Variants in SPDEF observed in about 807,000 individuals in gnomAD.
SPDEF encodes the protein SAM pointed domain-containing Ets transcription factor.
SPDEF carries 12 observed loss-of-function variants against 36.0 expected under a neutral mutation model. The observed-to-expected ratio is 0.33, with a 90% CI of 0.21 to 0.54. The LOEUF (loss-of-function observed/expected upper bound fraction) is 0.54, where lower values mean the gene tolerates loss of function less well. Among genes scored for constraint, SPDEF ranks in the 20% least tolerant of loss-of-function variants. SPDEF has a pLI of 0.93. For missense variants in SPDEF, 388 were observed against 456.9 expected, an observed-to-expected ratio of 0.85 and a Z score of 1.37; for synonymous variants, 205 against 193.0, an observed-to-expected ratio of 1.06 and a Z score of -0.51.
chr6:34,553,943 G>A (rs909371906), intron 1 of SPDEF, among the ~76,000 whole-genome samples: 6 of 88,782 alleles, frequency 6.8e-5, no homozygotes, highest in Non-Finnish European at 1.3e-4. Flanking sequence ...ACCCCCCAAC[G>A]CCCAGGAGAC....
In SPDEF at chr6:34,544,372, C is replaced by T; in HGVS notation, c.84G>A (p.Leu28=). Residue 28 remains leucine (L), a synonymous_variant, in exon 2 of 6, where the codon TTG becomes TTA. Coordinates refer to ENST00000374037, the MANE Select transcript of SPDEF (RefSeq NM_012391.3). This position sits in a 1 kb window ranked among gnomAD's most constrained non-coding sequence, Gnocchi z 4.4. ...LPPDTVSRTG[L]EKAAAGAVGL... ...CCACTGCCCCCGCTGCCGCCTTCTC[C>T]AAGCCTGTCCGCGACACCGTGTCGG... is the stretch of plus-strand genomic sequence containing the variant. 6.3e-7 allele frequency: 1 copy of T among 1,599,312 alleles called. No individual in the cohort carries two copies. The highest frequency in any genetic ancestry group is 8.5e-7 in the Non-Finnish European group (1 of 1,173,744).
At chr6:34,554,113 T>C (rs1768119610) in intron 1 of SPDEF, among the ~76,000 whole-genome samples, 1 of 152,340 alleles carries the variant, frequency 6.6e-6, no homozygotes, top group African/African-American at 2.4e-5. Context: ...CGGTCCCACA[T>C]GGCGGGACCT....
chr6:34,547,329 T>C (rs1475738510), intron 1 of SPDEF, among the ~76,000 whole-genome samples: 10 of 152,080 alleles, frequency 6.6e-5, no homozygotes. Flanking sequence ...TGAGTGCATG[T>C]GAAGCCCTCA....
At chr6:34,554,738 A>G (rs1280544925) in intron 1 of SPDEF, among the ~76,000 whole-genome samples, 3 of 152,254 alleles carry the variant, frequency 2.0e-5, no homozygotes, top group Non-Finnish European at 4.4e-5. Context: ...TGGCTGAACC[A>G]TGGCCTGGGC....
chr6:34,548,811 C>A (rs2395596), intron 1 of SPDEF, among the ~76,000 whole-genome samples: 2 of 152,194 alleles, frequency 1.3e-5, no homozygotes, highest in African/African-American at 2.4e-5. Context: ...CTCCCTCCTG[C>A]GACTTCCTAG....
rs1044525248 is a variant in SPDEF, at chr6:34,539,014, T to C, written c.829+236A>G. On this transcript the variant is annotated intron_variant, in intron 5 of 5. Coordinates refer to ENST00000374037, the MANE Select transcript of SPDEF (RefSeq NM_012391.3). This position sits in a 1 kb window ranked among gnomAD's most constrained non-coding sequence, Gnocchi z 5.2. ...TGGATTTGGAGCTCGTTCCAGGTGC[T>C]GTGCAGTACTAAAACTCCTAAGTGA... Among the ~76,000 whole-genome samples the C allele has an allele frequency of 6.6e-6, 1 of 152,192 alleles. No homozygotes were observed. The highest frequency in any genetic ancestry group is 2.4e-5 in the African/African-American group (1 of 41,428).
chr6:34,543,846 C>T (rs1338922741), intron 2 of SPDEF, among the ~76,000 whole-genome samples, 174 bp downstream of exon 2: 5 of 152,202 alleles, frequency 3.3e-5, no homozygotes, highest in Non-Finnish European at 5.9e-5. Flanking sequence ...GGACAGAAAC[C>T]TTCCTGGCCC....
rs565284879 is a variant in SPDEF at position 34,539,019 on chromosome 6, A to G, written c.829+231T>C. 2.6e-5 allele frequency among the ~76,000 whole-genome samples: 4 copies of G among 152,338 alleles called. No homozygotes were observed. In the East Asian group the frequency reaches 7.7e-4, roughly 29 times the overall value. On this transcript the variant is annotated intron_variant, in intron 5 of 5. Transcript: ENST00000374037. The surrounding 1 kb of genome is among the most constrained non-coding windows in gnomAD (Gnocchi z 5.2). ...TTGGAGCTCGTTCCAGGTGCTGTGCAGTACTAAAACTCCTAAGTGAGACAG... is the reference window on the plus strand; with the variant it reads ...TTGGAGCTCGTTCCAGGTGCTGTGCGGTACTAAAACTCCTAAGTGAGACAG...
rs1269932547 is a variant in SPDEF, at chr6:34,538,466, G to GC, written c.830-15dup. ...TTTTGAAGATGCCTAGAGCAGGAGG[G>GC]CCCCGAGAGAGCCAGTGGTATGAGT... On this transcript the variant is annotated splice_polypyrimidine_tract_variant and intron_variant, in intron 5 of 5. Coordinates refer to ENST00000374037, the MANE Select transcript of SPDEF (RefSeq NM_012391.3). This position sits in a 1 kb window ranked among gnomAD's most constrained non-coding sequence, Gnocchi z 5.9. The GC allele has an allele frequency of 8.1e-6, 13 of 1,601,962 alleles. No individual in the cohort carries two copies. The highest frequency in any genetic ancestry group is 9.4e-6 in the Non-Finnish European group (11 of 1,172,512).
intron 1 of SPDEF, among the ~76,000 whole-genome samples, chr6:34,550,966 C>T (rs957585179): frequency 2.0e-5 from 3 of 152,210 alleles, no homozygotes; most frequent in Non-Finnish European, 2.9e-5. Context: ...CTACTTCCAG[C>T]GCTTTCTGGG....
chr6:34,547,182 G>A (rs930981905), intron 1 of SPDEF, among the ~76,000 whole-genome samples: 1 of 152,156 alleles, frequency 6.6e-6, no homozygotes, highest in Non-Finnish European at 1.5e-5. Context: ...TGTTTGCTTG[G>A]CCTCAGCCAC....
In SPDEF at chr6:34,555,587, A is replaced by G. The variant is rs1768150424; in HGVS notation, c.-30+342T>C. On this transcript the variant is annotated intron_variant, in intron 1 of 5. Transcript: ENST00000374037. The surrounding 1 kb of genome is among the most constrained non-coding windows in gnomAD (Gnocchi z 5.2). ...CAAGCCGCTTGTGTTTCTCCAGCCA[A>G]GCAGAACTGGCTGGGTCTCAGGGGC... Among the ~76,000 whole-genome samples, 1 of 152,114 alleles carries G rather than the reference A, an allele frequency of 6.6e-6. No homozygotes were observed. Among genetic ancestry groups the G allele is most frequent in the African/African-American group, 2.4e-5 (1 of 41,436 alleles).
At chr6:34,554,665 C>G (rs1768129038) in intron 1 of SPDEF, among the ~76,000 whole-genome samples, 1 of 152,244 alleles carries the variant, frequency 6.6e-6, no homozygotes, top group African/African-American at 2.4e-5. Flanking sequence ...GGACTCCAAG[C>G]TGGGGGTCCT....
At chr6:34,546,206 G>A (rs187152317) in intron 1 of SPDEF, among the ~76,000 whole-genome samples, 1 of 152,174 alleles carries the variant, frequency 6.6e-6, no homozygotes, top group African/African-American at 2.4e-5. Flanking sequence ...CAGCAGCTCT[G>A]GGGGAGACTC....
At chr6:34,546,803 CA>C (rs1767961769) in intron 1 of SPDEF, among the ~76,000 whole-genome samples, 1 of 151,514 alleles carries the variant, frequency 6.6e-6, no homozygotes, top group African/African-American at 2.4e-5. Context: ...GGGCAGAGAC[CA>C]AGGCGGGGCT....
Position 34,552,508 on chromosome 6 carries a change from G to C in SPDEF, c.-30+3421C>G, listed in dbSNP as rs1035331102. 5.3e-5 allele frequency among the ~76,000 whole-genome samples: 8 copies of C among 152,228 alleles called. No individual in the cohort carries two copies. The highest frequency in any genetic ancestry group is 1.9e-4 in the African/African-American group (8 of 41,470). ...GTCTCCCGAGAGGTGTGTGTCCACA[G>C]TGGTGACTGCTGTCTCCATCTGCCG... On this transcript the variant is annotated intron_variant, in intron 1 of 5. Coordinates refer to ENST00000374037, the MANE Select transcript of SPDEF (RefSeq NM_012391.3). This position sits in a 1 kb window ranked among gnomAD's most constrained non-coding sequence, Gnocchi z 4.6.
rs746647174 is a variant in SPDEF at position 34,541,037 on chromosome 6, C to A, written c.581G>T (p.Arg194Leu). The A allele has an allele frequency of 1.9e-6, 3 of 1,612,404 alleles. No individual in the cohort carries two copies. The highest frequency in any genetic ancestry group is 2.2e-5 in the South Asian group (2 of 90,940). ...CAMSEEQFRQ[R>L]SPLGGDVLHA... The stretch of plus-strand genomic sequence containing the variant: ...CAGCACATCCCCACCCAGGGGCGAG[C>A]GCTGGCGGAACTGCTCCTCCGACAT... Residue 194 changes from arginine to leucine, a missense_variant, in exon 3 of 6, where the codon CGC (arginine) becomes CTC (leucine). Physicochemically the swap from Arg to Leu is moderately radical, Grantham distance 102. This residue lies in a region of SPDEF where 308 missense variants were observed against 326.1 expected (regional missense o/e 0.94). Coordinates refer to ENST00000374037, the MANE Select transcript of SPDEF (RefSeq NM_012391.3).
chr6:34,545,003 A>C lies in SPDEF; in HGVS notation c.-29-519T>G, dbSNP rs145677207. ...TATCATCTTCACCAGCAGGGGAAAG[A>C]CGAGAGGAACAAGGCGGGGTAGAAA... On this transcript the variant is annotated intron_variant, in intron 1 of 5. Coordinates refer to ENST00000374037, the MANE Select transcript of SPDEF (RefSeq NM_012391.3). Among the ~76,000 whole-genome samples the C allele has an allele frequency of 3.4e-4, 52 of 152,306 alleles. No individual in the cohort carries two copies. The East Asian group carries it at 9.1e-3, about 27-fold the overall frequency.
rs2233636 is a variant in SPDEF at position 34,544,477 on chromosome 6, G to A, written c.-22C>T. On this transcript the variant is annotated 5_prime_UTR_variant, in exon 2 of 6. Coordinates refer to ENST00000374037, the MANE Select transcript of SPDEF (RefSeq NM_012391.3). The surrounding 1 kb of genome is among the most constrained non-coding windows in gnomAD (Gnocchi z 4.4). ...CCATGCCGCTGCTGTTTGGGCTGGCGGCTGTGTCTACGGAAATGAAAGAGG... is the reference window on the plus strand; with the variant it reads ...CCATGCCGCTGCTGTTTGGGCTGGCAGCTGTGTCTACGGAAATGAAAGAGG... 69,126 of 1,516,800 alleles carry A rather than the reference G, an allele frequency of 0.046. 1,896 individuals carry two copies. Among genetic ancestry groups the A allele is most frequent in the African/African-American group, 0.12 (8,916 of 72,266 alleles). 94.0% of individuals were successfully genotyped at this position (1,516,800 alleles called of 1,614,324 possible).
Sources: gnomAD v4.1 joint callset for allele counts (sites outside exome capture counted in the v4.1 genomes callset) on GRCh38, gnomAD v4.1.1 for gene constraint, gnomAD v4.1.1 regional missense constraint, Gnocchi (gnomAD v3.1) non-coding constraint, MANE v1.5 for transcripts, NCBI Gene and HGNC (gene_info 2026-07-23, HGNC 2026-07-21) for gene names.